Variants in ACSM3 observed in about 807,000 individuals in gnomAD.
ACSM3 encodes acyl-coenzyme A synthetase ACSM3, mitochondrial.
A neutral mutation model predicts 74.1 loss-of-function variants in ACSM3; 61 were observed. That is an observed-to-expected ratio of 0.82 (90% CI 0.67 to 1.02). ACSM3 has a LOEUF of 1.02. Among genes scored for constraint, ACSM3 ranks in the 50% least tolerant of loss-of-function variants. The pLI is 0.00. For synonymous variants in ACSM3, 213 were observed against 241.5 expected (o/e 0.88, Z 1.09); for missense variants, 660 against 697.0 (o/e 0.95, Z 0.60).
chr16:20,686,172 A>G (rs866678866), intron 1 of ACSM3, among the ~76,000 whole-genome samples: 1 of 152,224 alleles, frequency 6.6e-6, no homozygotes, highest in African/African-American at 2.4e-5. Context: ...ACAATAAAAC[A>G]AAACAAAAGA....
chr16:20,709,274 A>T (rs1210552398), intron 1 of ACSM3, among the ~76,000 whole-genome samples: 1 of 152,216 alleles, frequency 6.6e-6, no homozygotes, highest in East Asian at 1.9e-4. Flanking sequence ...GAAAAAAATG[A>T]TATTGCTTAA....
In ACSM3 at chr16:20,797,202, C is replaced by A. The variant is rs985226925; in HGVS notation, c.*230C>A. The stretch of plus-strand genomic sequence containing the variant: ...ATCATTTCTTAATATAAAAATAATA[C>A]CATCAATTGCTGATTAATTTTTAAA... On this transcript the variant is annotated 3_prime_UTR_variant, in exon 14 of 14. Coordinates refer to ENST00000289416, the MANE Select transcript of ACSM3 (RefSeq NM_005622.4). 6 of 1,234,814 alleles carry A rather than the reference C, an allele frequency of 4.9e-6. No homozygotes were observed. In the African/African-American group the frequency reaches 6.3e-5, roughly 13 times the overall value. 76.5% of individuals were successfully genotyped at this position (1,234,814 alleles called of 1,614,324 possible). A position where few individuals can be genotyped will look rare whatever the true frequency, so the allele number is the denominator to read the frequency against.
chr16:20,779,570 T>C (rs1349225864), intron 4 of ACSM3, among the ~76,000 whole-genome samples: 1 of 152,190 alleles, frequency 6.6e-6, no homozygotes, highest in East Asian at 1.9e-4. Flanking sequence ...TTGATATGTA[T>C]GTGTGCAGCT....
chr16:20,768,097 A>T (rs1208550012), intron 1 of ACSM3, among the ~76,000 whole-genome samples: 2 of 152,104 alleles, frequency 1.3e-5, no homozygotes, highest in African/African-American at 4.8e-5. Flanking sequence ...AAGTTTGCTG[A>T]CCCCTATTCT....
chr16:20,744,817 G>A (rs2079951132), intron 1 of ACSM3, among the ~76,000 whole-genome samples: 1 of 152,250 alleles, frequency 6.6e-6, no homozygotes, highest in South Asian at 2.1e-4. Context: ...GCACCAGGAT[G>A]TCTCTAAACC....
chr16:20,705,281 G>A (rs2079723710), intron 1 of ACSM3, among the ~76,000 whole-genome samples: 1 of 151,012 alleles, frequency 6.6e-6, no homozygotes, highest in Admixed American at 6.6e-5. Context: ...GCTGAGGCAG[G>A]AGAATGGTGT....
At chr16:20,685,185 T>A in intron 1 of ACSM3, 1 of 1,614,112 alleles carries the variant, frequency 6.2e-7, no homozygotes, top group Non-Finnish European at 8.5e-7. Flanking sequence ...CCCTCTTGCA[T>A]CACTGACCTG....
At chr16:20,758,225 G>C (rs1283363644) in intron 3 of ACSM3, among the ~76,000 whole-genome samples, 1 of 152,190 alleles carries the variant, frequency 6.6e-6, no homozygotes, top group East Asian at 1.9e-4. Context: ...GTTCCTCCTT[G>C]TACCTCTGGT....
intron 4 of ACSM3, 135 bp from the exon 5 acceptor site, chr16:20,780,579 G>A: frequency 6.3e-7 from 1 of 1,582,876 alleles, no homozygotes; most frequent in South Asian, 1.1e-5. Flanking sequence ...CTTTTACCCT[G>A]TAATTCAAGC....
At chr16:20,786,280 T>C (rs375632063) in intron 9 of ACSM3, 122 bp downstream of exon 9, 9 of 1,434,150 alleles carry the variant, frequency 6.3e-6, no homozygotes, top group South Asian at 3.0e-5. Flanking sequence ...TCCATGATAC[T>C]TTAATTTTTA....
intron 1 of ACSM3, among the ~76,000 whole-genome samples, chr16:20,692,220 G>A (rs1353388681): frequency 2.6e-5 from 4 of 152,198 alleles, no homozygotes; most frequent in African/African-American, 4.8e-5. Context: ...AACCTGGCCC[G>A]TGACACAGCC....
chr16:20,741,481 G>GGGGGGGCCCCCCCC, intron 1 of ACSM3: 2 of 1,308,414 alleles, frequency 1.5e-6, no homozygotes, highest in South Asian at 1.8e-5. Context: ...CTGGCAGCCG[G>GGGGGGGCCCCCCCC]CCCGCCCGCC....
chr16:20,712,555 T>A lies in ACSM3; in HGVS notation c.-189-37355T>A, dbSNP rs148341343. ...GTTTCCTAAGATGTAAAAAAAAGAG[T>A]AAAATATTAATGGTATTATTCTTCA... On this transcript the variant is annotated intron_variant, in intron 1 of 3. Transcript: ENST00000561584. Among the ~76,000 whole-genome samples, 793 of 151,670 alleles carry A rather than the reference T, an allele frequency of 5.2e-3. 6 individuals carry two copies. The highest frequency in any genetic ancestry group is 0.018 in the African/African-American group (741 of 41,340).
chr16:20,760,173 T>C (rs1312972622), upstream of ACSM3, among the ~76,000 whole-genome samples: 1 of 152,180 alleles, frequency 6.6e-6, no homozygotes, highest in Admixed American at 6.5e-5. Flanking sequence ...ATATAACAGA[T>C]AGCAGGCCCT....
chr16:20,781,151 G>C, intron 6 of ACSM3, 21 bp downstream of exon 6: 1 of 1,612,880 alleles, frequency 6.2e-7, no homozygotes, highest in East Asian at 2.2e-5. Flanking sequence ...GCACAAAGAG[G>C]TCAATATTTA....
chr16:20,792,798 A>G, intron 12 of ACSM3: 1 of 749,706 alleles, frequency 1.3e-6, no homozygotes, highest in Non-Finnish European at 1.6e-6. Context: ...TTGGTAGGTA[A>G]ATAAGTAGAG....
At chr16:20,732,430 AGTC>A (rs1421232051) in intron 1 of ACSM3, among the ~76,000 whole-genome samples, 4 of 152,200 alleles carry the variant, frequency 2.6e-5, no homozygotes, top group Admixed American at 2.0e-4. Context: ...AAAATACAGT[AGTC>A]GTCTTATTTT....
At chr16:20,715,291 C>T (rs1313927881) in intron 1 of ACSM3, among the ~76,000 whole-genome samples, 2 of 152,136 alleles carry the variant, frequency 1.3e-5, no homozygotes, top group Non-Finnish European at 2.9e-5. Context: ...TTAATATTTT[C>T]TGAAACTATT....
intron 1 of ACSM3, chr16:20,738,905 A>C (rs1567331264): frequency 1.2e-6 from 2 of 1,614,108 alleles, no homozygotes. Flanking sequence ...ACCTATCCCA[A>C]GTGTCCTGAT....
Sources: allele counts gnomAD v4.1 joint callset (sites outside exome capture counted in the v4.1 genomes callset), GRCh38; gene constraint gnomAD v4.1.1; transcripts MANE v1.5; gene names NCBI Gene and HGNC (gene_info 2026-07-23, HGNC 2026-07-21).